FEZ2: variants seen among roughly 807,000 people sequenced by gnomAD.
FEZ2 encodes the protein fasciculation and elongation protein zeta 2, also known as fasciculation and elongation protein zeta-2.
Under a neutral mutation model 40.4 loss-of-function variants are expected in FEZ2, and 51 were observed. That is an observed-to-expected ratio of 1.26 (90% CI 1.01 to 1.59). The LOEUF (loss-of-function observed/expected upper bound fraction) is 1.59. FEZ2 is among the 40% of genes most tolerant of loss of function. FEZ2 has a pLI of 0.00. For synonymous variants in FEZ2, 242 were observed against 172.0 expected, an observed-to-expected ratio of 1.41 and a Z score of -3.18; for missense variants, 640 against 438.3, an observed-to-expected ratio of 1.46 and a Z score of -4.11.
At chr2:36,578,240 A>T (rs1477642381) in intron 5 of FEZ2, among the ~76,000 whole-genome samples, 1 of 152,248 alleles carries the variant, frequency 6.6e-6, no homozygotes, top group Non-Finnish European at 1.5e-5. Flanking sequence ...ATAAGAAAAA[A>T]ACTACTAGCC....
intron 1 of FEZ2, among the ~76,000 whole-genome samples, chr2:36,593,799 T>TA (rs2148353045): frequency 6.6e-6 from 1 of 151,876 alleles, no homozygotes; most frequent in East Asian, 2.0e-4. Flanking sequence ...CCTTGCTACT[T>TA]ACGCAAATTT....
chr2:36,569,035 C>G (rs971481961), intron 5 of FEZ2, among the ~76,000 whole-genome samples: 11 of 152,210 alleles, frequency 7.2e-5, no homozygotes, highest in South Asian at 2.1e-4. Flanking sequence ...CCATCCACCT[C>G]TAAATAACTC....
rs371795059 is a variant in FEZ2, at chr2:36,583,412, C to G, written c.433G>C (p.Asp145His). ...SDDEELREQL[D>H]MHSIIVSCVN... ...CAGGAGACGATGATTGAGTGCATATCCAGCTGTTCTCTCAGCTCTTCATCA... is the reference window on the plus strand; with the variant it reads ...CAGGAGACGATGATTGAGTGCATATGCAGCTGTTCTCTCAGCTCTTCATCA... Residue 145 changes from aspartate (D) to histidine (H), a missense_variant, in exon 3 of 8, where the codon GAT becomes CAT. Coordinates refer to ENST00000405912, the MANE Select transcript of FEZ2 (RefSeq NM_005102.3). 9 of 1,610,856 alleles carry G rather than the reference C, an allele frequency of 5.6e-6. No homozygotes were observed. Among genetic ancestry groups the G allele is most frequent in the African/African-American group, 4.0e-5 (3 of 74,990 alleles).
chr2:36,588,958 G>A (rs1668989217), intron 2 of FEZ2, among the ~76,000 whole-genome samples: 1 of 152,024 alleles, frequency 6.6e-6, no homozygotes, highest in African/African-American at 2.4e-5. Flanking sequence ...TTTTTAATAT[G>A]TCAAAAAAGT....
Position 36,553,083 on chromosome 2 carries a change from A to G in FEZ2, c.*80T>C. 8.4e-7 allele frequency: 1 copy of G among 1,188,422 alleles called. No homozygotes were observed. The highest frequency in any genetic ancestry group is 1.2e-6 in the Non-Finnish European group (1 of 823,120). 73.6% of individuals were successfully genotyped at this position (1,188,422 alleles called of 1,614,324 possible). A position where few individuals can be genotyped will look rare whatever the true frequency, so the allele number is the denominator to read the frequency against. ...CAAATGTGCTGAGTTTCCAATAGCA[A>G]GAAGGGTAATGGTAGCCAGCTCTCA... On this transcript the variant is annotated 3_prime_UTR_variant, in exon 8 of 8. Coordinates refer to ENST00000405912, the MANE Select transcript of FEZ2 (RefSeq NM_005102.3).
In FEZ2 at chr2:36,598,154, G is replaced by GCAGTCGCGCGCCCCGCC; in HGVS notation, c.-13_-12insGGCGGGGCGCGCGACTG. 6.9e-7 allele frequency: 1 copy of GCAGTCGCGCGCCCCGCC among 1,448,900 alleles called. No homozygotes were observed. The highest frequency in any genetic ancestry group is 9.0e-7 in the Non-Finnish European group (1 of 1,107,962). 89.8% of individuals were successfully genotyped at this position (1,448,900 alleles called of 1,614,324 possible). ...CCGTCCGCCGCCATCGCCGCCCGGAGCAGTCGCGCGCCCCGCCCAGGCCGG... is the reference window on the plus strand; with the variant it reads ...CCGTCCGCCGCCATCGCCGCCCGGAGCAGTCGCGCGCCCCGCCCAGTCGCGCGCCCCGCCCAGGCCGG... On this transcript the variant is annotated 5_prime_UTR_variant, in exon 1 of 8. Coordinates refer to ENST00000405912, the MANE Select transcript of FEZ2 (RefSeq NM_005102.3).
At chr2:36,593,846 T>G (rs550497678) in intron 1 of FEZ2, among the ~76,000 whole-genome samples, 2 of 126,644 alleles carry the variant, frequency 1.6e-5, no homozygotes, top group East Asian at 3.2e-4. Flanking sequence ...GAAAATGGGT[T>G]TTTTTTTTTT....
At chr2:36,597,395 A>C (rs1237420316) in intron 1 of FEZ2, among the ~76,000 whole-genome samples, 1 of 152,122 alleles carries the variant, frequency 6.6e-6, no homozygotes, top group African/African-American at 2.4e-5. Flanking sequence ...ACATCCATAC[A>C]TGTATTTGTT....
intron 2 of FEZ2, chr2:36,590,068 C>T (rs1179224830): frequency 1.3e-5 from 2 of 152,330 alleles, no homozygotes; most frequent in East Asian, 3.9e-4. Context: ...TGCCTCCCTA[C>T]CTGTCCCACC....
chr2:36,569,289 A>G (rs1012739092), intron 5 of FEZ2, among the ~76,000 whole-genome samples: 1 of 152,248 alleles, frequency 6.6e-6, no homozygotes, highest in Non-Finnish European at 1.5e-5. Context: ...CACAACTCCC[A>G]AAGAGAAATA....
At chr2:36,560,349 T>C (rs1668060373) in intron 5 of FEZ2, among the ~76,000 whole-genome samples, 1 of 152,204 alleles carries the variant, frequency 6.6e-6, no homozygotes, top group Non-Finnish European at 1.5e-5. Flanking sequence ...TCTATACATA[T>C]TTTTGACCTA....
intron 1 of FEZ2, among the ~76,000 whole-genome samples, chr2:36,596,926 G>A (rs910769005): frequency 2.0e-5 from 3 of 152,044 alleles, no homozygotes; most frequent in Non-Finnish European, 4.4e-5. Context: ...AATTATAATT[G>A]CGGCTCAGGT....
At position 36,581,309 on chromosome 2, in the gene FEZ2, A is replaced by G. The variant is rs1668738231; in HGVS notation, c.615T>C (p.Ser205=). 1 of 1,613,786 alleles carries G rather than the reference A, an allele frequency of 6.2e-7. No individual in the cohort carries two copies. Among genetic ancestry groups the G allele is most frequent in the African/African-American group, 1.3e-5 (1 of 74,918 alleles). The change falls in exon 4 of 8, where the codon AGT becomes AGC. Residue 205 remains serine (S), a synonymous_variant. Transcript: ENST00000405912. ...CCTTACTCTCTTCATAACTGCCGGT[A>G]CTAGACCTCTTGAGAGTTTGAATTT... The part of the protein sequence containing the change: ...SQEIQTLKRS[S]TGSYEERVKR...
intron 5 of FEZ2, among the ~76,000 whole-genome samples, chr2:36,564,248 C>A (rs1183907036): frequency 6.6e-6 from 1 of 152,150 alleles, no homozygotes; most frequent in Non-Finnish European, 1.5e-5. Context: ...GGCCTATTGA[C>A]AAGCCTATGT....
chr2:36,593,085 T>C (rs1367284365), intron 1 of FEZ2, among the ~76,000 whole-genome samples: 1 of 152,184 alleles, frequency 6.6e-6, no homozygotes, highest in Admixed American at 6.5e-5. Flanking sequence ...TTTCAAACAC[T>C]GAATGACTGT....
intron 5 of FEZ2, among the ~76,000 whole-genome samples, chr2:36,576,176 G>A (rs149800445): frequency 1.8e-3 from 271 of 152,186 alleles, no homozygotes; most frequent in African/African-American, 6.3e-3. Flanking sequence ...ATTTCACTTT[G>A]GGTTTCTTTT....
At chr2:36,595,876 A>C (rs1347444668) in intron 1 of FEZ2, among the ~76,000 whole-genome samples, 12 of 152,254 alleles carry the variant, frequency 7.9e-5, no homozygotes, top group Non-Finnish European at 1.5e-5. Flanking sequence ...ATTTTTAAGC[A>C]AAGGCTAAAA....
chr2:36,569,394 G>A (rs571115849), intron 5 of FEZ2, among the ~76,000 whole-genome samples: 15 of 152,204 alleles, frequency 9.9e-5, no homozygotes, highest in Admixed American at 3.3e-4. Context: ...ATAAATCCCC[G>A]ATTATAGTTC....
chr2:36,597,375 A>G (rs1669257383), intron 1 of FEZ2, among the ~76,000 whole-genome samples: 1 of 152,222 alleles, frequency 6.6e-6, no homozygotes, highest in Admixed American at 6.5e-5. Flanking sequence ...TAACCATTGC[A>G]GCGCTAATTA....
Sources: gnomAD v4.1 joint callset for allele counts (sites outside exome capture counted in the v4.1 genomes callset) on GRCh38, gnomAD v4.1.1 for gene constraint, MANE v1.5 for transcripts, NCBI Gene and HGNC (gene_info 2026-07-23, HGNC 2026-07-21) for gene names.